RANBP9: variants seen among roughly 807,000 people sequenced by gnomAD.
RANBP9 encodes RAN binding protein 9, also known as ran-binding protein 9.
In RANBP9, 15 loss-of-function variants were observed where a neutral mutation model predicts 84.3. The observed-to-expected ratio is 0.18, with a 90% CI of 0.12 to 0.27. The LOEUF is 0.27. RANBP9 is among the 10% of genes least tolerant of loss of function. The pLI, the probability that RANBP9 is intolerant of heterozygous loss-of-function variation, is 1.00. For missense variants in RANBP9, 809 were observed against 912.8 expected (o/e 0.89, Z 1.46); for synonymous variants, 392 against 349.6 (o/e 1.12, Z -1.35).
At position 13,711,063 on chromosome 6, in the gene RANBP9, T is replaced by A; in HGVS notation, c.443A>T (p.Gln148Leu). 1 of 1,585,288 alleles carries A rather than the reference T, an allele frequency of 6.3e-7. No homozygotes were observed. Among genetic ancestry groups the A allele is most frequent in the Non-Finnish European group, 8.6e-7 (1 of 1,166,104 alleles). ...CGGGTAGAGACGCTTCAGCCGCCGC[T>A]GCAACTCCTTCTCCTGCTCGTTCAG... ...SALNEQEKEL[Q>L]RRLKRLYPAV... The change falls in exon 1 of 14, where the codon CAG becomes CTG. Residue 148 changes from glutamine to leucine, a missense_variant. Gln to Leu is a moderately radical substitution (Grantham distance 113, BLOSUM62 -2). This residue lies in a region of RANBP9 where 302 missense variants were observed against 240.1 expected (regional missense o/e 1.26). Coordinates refer to ENST00000011619, the MANE Select transcript of RANBP9 (RefSeq NM_005493.3).
chr6:13,634,459 G>T lies in RANBP9; in HGVS notation c.1767C>A (p.His589Gln), dbSNP rs764805652. ...TTTCGGTGTCACAATCTTCCATTTC[G>T]TGGTCATGTTTAGAGCTACCATTTA... is the stretch of plus-strand genomic sequence containing the variant. ...GFLNGSSKHD[H>Q]EMEDCDTEME... The change falls in exon 11 of 14, where the codon CAC becomes CAA. Residue 589 changes from histidine (H) to glutamine (Q), a missense_variant. Transcript: ENST00000011619. 6.2e-7 allele frequency: 1 copy of T among 1,613,264 alleles called. No individual in the cohort carries two copies.
chr6:13,685,173 G>A (rs750406308), intron 2 of RANBP9, among the ~76,000 whole-genome samples: 8 of 151,922 alleles, frequency 5.3e-5, no homozygotes, highest in Non-Finnish European at 1.0e-4. Flanking sequence ...TCTTTCCTAC[G>A]GAAATAAAGA....
At chr6:13,649,777 T>C (rs1208539205) in intron 5 of RANBP9, among the ~76,000 whole-genome samples, 2 of 152,142 alleles carry the variant, frequency 1.3e-5, no homozygotes, top group Non-Finnish European at 2.9e-5. Context: ...ATGGCCAAAG[T>C]CCTCCAGAGT....
At chr6:13,702,388 G>A (rs1008971421) in intron 1 of RANBP9, among the ~76,000 whole-genome samples, 6 of 152,120 alleles carry the variant, frequency 3.9e-5, no homozygotes, top group South Asian at 2.1e-4. Flanking sequence ...CTGACAAAGC[G>A]AGACTCTGTT....
chr6:13,627,004 C>T (rs753650381), intron 12 of RANBP9, among the ~76,000 whole-genome samples: 5 of 152,204 alleles, frequency 3.3e-5, no homozygotes, highest in East Asian at 1.9e-4. Context: ...CGTGCCTCTA[C>T]GCAAACACAC....
At chr6:13,645,096 T>A (rs1273799044) in intron 5 of RANBP9, among the ~76,000 whole-genome samples, 1 of 152,222 alleles carries the variant, frequency 6.6e-6, no homozygotes, top group African/African-American at 2.4e-5. Flanking sequence ...ATAACTCAGG[T>A]TTATCCCACA....
intron 6 of RANBP9, 68 bp downstream of exon 6, chr6:13,644,477 C>G: frequency 6.8e-7 from 1 of 1,460,928 alleles, no homozygotes; most frequent in Non-Finnish European, 9.4e-7. Context: ...TCTGTGGATA[C>G]CAACAGAATA....
intron 13 of RANBP9, among the ~76,000 whole-genome samples, chr6:13,623,644 G>A (rs571942555): frequency 2.0e-5 from 3 of 152,198 alleles, no homozygotes; most frequent in South Asian, 2.1e-4. Context: ...AGCATCTGGC[G>A]ATGCATCTTT....
At chr6:13,699,793 C>G (rs1757922370) in intron 1 of RANBP9, among the ~76,000 whole-genome samples, 1 of 152,030 alleles carries the variant, frequency 6.6e-6, no homozygotes, top group Non-Finnish European at 1.5e-5. Flanking sequence ...ACTTGGGAGG[C>G]AGAAGTTGCA....
intron 2 of RANBP9, among the ~76,000 whole-genome samples, chr6:13,675,300 A>T (rs1004847570): frequency 7.9e-5 from 12 of 152,376 alleles, no homozygotes; most frequent in Non-Finnish European, 1.6e-4. Context: ...AAAGTCATAC[A>T]AACTATGCTC....
At chr6:13,633,038 T>TA (rs1491174762) in intron 11 of RANBP9, among the ~76,000 whole-genome samples, 1 of 142,248 alleles carries the variant, frequency 7.0e-6, no homozygotes, top group African/African-American at 2.6e-5. Context: ...GAAAAAATAA[T>TA]TTTTTTTTTT....
In RANBP9 at chr6:13,688,982, C is replaced by CAAAAAAAAAAA. The variant is rs1164073062; in HGVS notation, c.683+7792_683+7802dup. Among the ~76,000 whole-genome samples, 52 of 29,946 alleles carry CAAAAAAAAAAA rather than the reference C, an allele frequency of 1.7e-3. 3 individuals carry two copies. The highest frequency in any genetic ancestry group is 4.2e-3 in the African/African-American group (40 of 9,568). 19.6% of individuals were successfully genotyped at this position (29,946 alleles called of 152,430 possible). On this transcript the variant is annotated intron_variant, in intron 2 of 13. Coordinates refer to ENST00000011619, the MANE Select transcript of RANBP9 (RefSeq NM_005493.3). Reference sequence around the variant, plus strand: ...TGCAACATACCGAGACCCATCTCCACAAAAAAAAAAAAAAAAAAAAAATGC... The same window carrying CAAAAAAAAAAA: ...TGCAACATACCGAGACCCATCTCCACAAAAAAAAAAAAAAAAAAAAAAAAAAAAAAAAATGC...
chr6:13,678,631 T>C (rs931178043), intron 2 of RANBP9, among the ~76,000 whole-genome samples: 1 of 152,128 alleles, frequency 6.6e-6, no homozygotes, highest in Non-Finnish European at 1.5e-5. Context: ...TCCAAACTCT[T>C]CAATCCTCAA....
intron 2 of RANBP9, among the ~76,000 whole-genome samples, chr6:13,674,576 T>C (rs1049639718): frequency 4.6e-5 from 7 of 152,170 alleles, no homozygotes; most frequent in Non-Finnish European, 1.0e-4. Flanking sequence ...TGACAAACTG[T>C]GTCTGTTGCC....
chr6:13,661,708 T>G (rs1019640274), intron 2 of RANBP9, among the ~76,000 whole-genome samples: 1 of 152,114 alleles, frequency 6.6e-6, no homozygotes, highest in African/African-American at 2.4e-5. Context: ...TTTTCCAGAA[T>G]TGAAAAACAT....
At chr6:13,637,753 T>G in intron 10 of RANBP9, 55 bp downstream of exon 10, 1 of 1,434,296 alleles carries the variant, frequency 7.0e-7, no homozygotes, top group South Asian at 1.5e-5. Context: ...ATTACAACGA[T>G]TACACCTATA....
At chr6:13,699,267 T>C (rs1011449557) in intron 1 of RANBP9, among the ~76,000 whole-genome samples, 1 of 152,354 alleles carries the variant, frequency 6.6e-6, no homozygotes, top group African/African-American at 2.4e-5. Context: ...CAAGGATCCA[T>C]TATATTTGTT....
At chr6:13,664,551 C>T (rs1584930771) in intron 2 of RANBP9, among the ~76,000 whole-genome samples, 1 of 151,918 alleles carries the variant, frequency 6.6e-6, no homozygotes, top group East Asian at 1.9e-4. Context: ...AGAAATAAGA[C>T]CTAGTGTTAG....
At chr6:13,679,573 A>G (rs1320427116) in intron 2 of RANBP9, among the ~76,000 whole-genome samples, 2 of 152,172 alleles carry the variant, frequency 1.3e-5, no homozygotes, top group Non-Finnish European at 2.9e-5. Context: ...CAGACACAAA[A>G]TTGTTTATGT....
Sources: gnomAD v4.1 joint callset for allele counts (sites outside exome capture counted in the v4.1 genomes callset) on GRCh38, gnomAD v4.1.1 for gene constraint, gnomAD v4.1.1 regional missense constraint, MANE v1.5 for transcripts, NCBI Gene and HGNC (gene_info 2026-07-23, HGNC 2026-07-21) for gene names.